The following ELOVL1 variants were observed in gnomAD, a reference collection of about 807,000 sequenced individuals.
ELOVL1 encodes the protein very long chain fatty acid elongase 1.
A neutral mutation model predicts 37.8 loss-of-function variants in ELOVL1; 10 were observed. The observed-to-expected ratio is 0.26, with a 90% CI of 0.16 to 0.45. The LOEUF is 0.45. Ranked by LOEUF, ELOVL1 falls within the 20% of genes least tolerant of loss-of-function variation. The probability of loss-of-function intolerance (pLI) is 1.00; values close to 1 mark genes in which losing one functional copy is unlikely to be tolerated. For missense variants in ELOVL1, 256 were observed against 352.7 expected (o/e 0.73, Z 2.20); for synonymous variants, 133 against 123.8 (o/e 1.07, Z -0.49).
At position 43,365,553 on chromosome 1, in the gene ELOVL1, T is replaced by C. The variant is rs1261381074; in HGVS notation, c.46+11A>G. 1.1e-5 allele frequency: 18 copies of C among 1,614,094 alleles called. 1 individual carries two copies. The East Asian group carries it at 3.8e-4, about 34-fold the overall frequency. On this transcript the variant is annotated intron_variant, in intron 2 of 7. Coordinates refer to ENST00000372458, the MANE Select transcript of ELOVL1 (RefSeq NM_022821.4). ...AAGAAGGAAGGAAAGGGCTGGTGGA[T>C]AGCGTCTTACCTGCGTGCTTCATCA...
In ELOVL1 at chr1:43,364,505, G is replaced by C; in HGVS notation, c.481+37C>G. Reference sequence around the variant, plus strand: ...CAGGGTCAGCAGAGTCCAGCCTCTGGTGCCCACCCTTTCCCATAGTGGCCT... The same window carrying C: ...CAGGGTCAGCAGAGTCCAGCCTCTGCTGCCCACCCTTTCCCATAGTGGCCT... On this transcript the variant is annotated intron_variant, in intron 6 of 7. Transcript: ENST00000372458. This position sits in a 1 kb window ranked among gnomAD's most constrained non-coding sequence, Gnocchi z 5.2. 6 of 1,614,006 alleles carry C rather than the reference G, an allele frequency of 3.7e-6. No individual in the cohort carries two copies.
In ELOVL1 at chr1:43,363,889, G is replaced by A; in HGVS notation, c.*27C>T. On this transcript the variant is annotated 3_prime_UTR_variant, in exon 8 of 8. Transcript: ENST00000372458. ...CTAAGGTGCAGTCCTGAGGCACTTA[G>A]GTGGGCGCCTATCTAGGCCATGCTT... The A allele has an allele frequency of 6.2e-7, 1 of 1,607,260 alleles. No homozygotes were observed. Among genetic ancestry groups the A allele is most frequent in the Non-Finnish European group, 8.5e-7 (1 of 1,175,638 alleles).
Position 43,365,741 on chromosome 1 carries a change from C to G in ELOVL1, c.-14-118G>C, listed in dbSNP as rs1647222794. On this transcript the variant is annotated intron_variant, in intron 1 of 7. Coordinates refer to ENST00000372458, the MANE Select transcript of ELOVL1 (RefSeq NM_022821.4). Reference sequence around the variant, plus strand: ...ATGCCTCATTGCAGAAAGGACAGAACAGTGAAAGGAAGGAATTACTGGGAA... The same window carrying G: ...ATGCCTCATTGCAGAAAGGACAGAAGAGTGAAAGGAAGGAATTACTGGGAA... 9.1e-6 allele frequency: 10 copies of G among 1,096,932 alleles called. No individual in the cohort carries two copies. In the South Asian group the frequency reaches 1.2e-4, roughly 13 times the overall value. 67.9% of individuals were successfully genotyped at this position (1,096,932 alleles called of 1,614,324 possible).
At chr1:43,365,659 C>A (rs1291846601) in intron 1 of ELOVL1, 36 bp from the exon 2 acceptor site, 4 of 1,594,812 alleles carry the variant, frequency 2.5e-6, no homozygotes, top group Non-Finnish European at 3.4e-6. Context: ...CAGACAGATC[C>A]CACTGCACAC....
Position 43,365,205 on chromosome 1 carries a change from G to A in ELOVL1, c.218C>T (p.Ser73Phe). The A allele has an allele frequency of 6.2e-7, 1 of 1,614,172 alleles. No homozygotes were observed. The highest frequency in any genetic ancestry group is 8.5e-7 in the Non-Finnish European group (1 of 1,180,026). ...IVYNFSLVALSLYIVYEFLMS... is the reference protein window; with the variant it reads ...IVYNFSLVALFLYIVYEFLMS... ...GCCCACCTCATAGACAATGTAGAGG[G>A]AGAGTGCCACCAGTGAGAAGTTGTA... Residue 73 changes from serine to phenylalanine, a missense_variant, in exon 3 of 8, where the codon TCC becomes TTC. Transcript: ENST00000372458.
Position 43,364,601 on chromosome 1 carries a change from T to C in ELOVL1, c.422A>G (p.His141Arg), listed in dbSNP as rs1171729390. 6.2e-7 allele frequency: 1 copy of C among 1,614,006 alleles called. No individual in the cohort carries two copies. The highest frequency in any genetic ancestry group is 1.7e-5 in the Admixed American group (1 of 60,016). ...RKKDGQVTFLHVFHHSVLPWS... is the reference protein window; with the variant it reads ...RKKDGQVTFLRVFHHSVLPWS... ...GGGAAGCACAGAGTGATGGAAGACA[T>C]GTAGGAAGGTCACCTGCCCGTCTTT... Residue 141 changes from histidine to arginine, a missense_variant, in exon 6 of 8, where the codon CAT becomes CGT. Around this residue, in one of 3 missense-constraint regions of ELOVL1, gnomAD observed 158 missense variants for 189.4 expected, o/e 0.83. Transcript: ENST00000372458. This position sits in a 1 kb window ranked among gnomAD's most constrained non-coding sequence, Gnocchi z 5.2.
chr1:43,365,758 T>G, intron 1 of ELOVL1, 135 bp from the exon 2 acceptor site: 31 of 895,244 alleles, frequency 3.5e-5, no homozygotes, highest in African/African-American at 5.0e-5. Context: ...AGGAAGGAAT[T>G]ACTGGGAACT....
rs1487104212 is a variant in ELOVL1, at chr1:43,364,691, C to T, written c.376-44G>A. ...AAGGGGATTCAGAACCTGGGCTTCT[C>T]CACCTCATTCTCCCCTCAAGTTCTC... On this transcript the variant is annotated intron_variant, in intron 5 of 7. Coordinates refer to ENST00000372458, the MANE Select transcript of ELOVL1 (RefSeq NM_022821.4). The surrounding 1 kb of genome is among the most constrained non-coding windows in gnomAD (Gnocchi z 5.2). 1.2e-6 allele frequency: 2 copies of T among 1,614,128 alleles called. No individual in the cohort carries two copies. The highest frequency in any genetic ancestry group is 1.7e-5 in the Admixed American group (1 of 60,024).
At position 43,364,450 on chromosome 1, in the gene ELOVL1, G is replaced by A. The variant is rs746856215; in HGVS notation, c.492C>T (p.Gly164=). The change falls in exon 7 of 8, where the codon GGC becomes GGT. Residue 164 remains glycine, a synonymous_variant. Coordinates refer to ENST00000372458, the MANE Select transcript of ELOVL1 (RefSeq NM_022821.4). This position sits in a 1 kb window ranked among gnomAD's most constrained non-coding sequence, Gnocchi z 5.2. ...AAGAGTTTATCATGGCATGGAAAGAGCCCATTCCTCCTGTGAGTGGACAAT... is the reference window on the plus strand; with the variant it reads ...AAGAGTTTATCATGGCATGGAAAGAACCCATTCCTCCTGTGAGTGGACAAT... The part of the protein sequence containing the change: ...WGVKIAPGGM[G]SFHAMINSSV... 11 of 1,614,002 alleles carry A rather than the reference G, an allele frequency of 6.8e-6. No individual in the cohort carries two copies. The Admixed American group carries it at 1.8e-4, about 27-fold the overall frequency.
In ELOVL1 at chr1:43,364,157, G is replaced by C. The variant is rs1647193738; in HGVS notation, c.619-20C>G. 6.2e-7 allele frequency: 1 copy of C among 1,613,624 alleles called. No homozygotes were observed. The highest frequency in any genetic ancestry group is 1.7e-5 in the Admixed American group (1 of 60,002). Reference sequence around the variant, plus strand: ...CTGGATCTAGGATAGAGAAAGACCAGGGTCAGAGGGAATAGTGAGAGGACT... The same window carrying C: ...CTGGATCTAGGATAGAGAAAGACCACGGTCAGAGGGAATAGTGAGAGGACT... On this transcript the variant is annotated intron_variant, in intron 7 of 7. Transcript: ENST00000372458. This position sits in a 1 kb window ranked among gnomAD's most constrained non-coding sequence, Gnocchi z 5.2.
chr1:43,365,121 C>A, intron 3 of ELOVL1, 65 bp downstream of exon 3: 3 of 1,605,518 alleles, frequency 1.9e-6, no homozygotes, highest in Non-Finnish European at 2.6e-6. Flanking sequence ...ATGCCATGCT[C>A]TGGCTCTATG....
intron 1 of ELOVL1, 39 bp from the exon 2 acceptor site, chr1:43,365,662 C>T: frequency 1.1e-5 from 17 of 1,591,064 alleles, no homozygotes; most frequent in Non-Finnish European, 1.5e-5. Flanking sequence ...ACAGATCCCA[C>T]TGCACACCCC....
Position 43,364,652 on chromosome 1 carries a change from G to A in ELOVL1, c.376-5C>T. 1 of 1,614,174 alleles carries A rather than the reference G, an allele frequency of 6.2e-7. No homozygotes were observed. ...CTTTCGGAGAATAAAGATCACCTGA[G>A]AGAAGAGTGAGGGAAGGGGATTCAG... is the stretch of plus-strand genomic sequence containing the variant. On this transcript the variant is annotated splice_region_variant and splice_polypyrimidine_tract_variant and intron_variant, in intron 5 of 7. Coordinates refer to ENST00000372458, the MANE Select transcript of ELOVL1 (RefSeq NM_022821.4). This position sits in a 1 kb window ranked among gnomAD's most constrained non-coding sequence, Gnocchi z 5.2.
Position 43,364,621 on chromosome 1 carries a change from GTCTT to G in ELOVL1, c.398_401del (p.Lys133ThrfsTer4). The G allele has an allele frequency of 6.2e-7, 1 of 1,614,190 alleles. No individual in the cohort carries two copies. The highest frequency in any genetic ancestry group is 8.5e-7 in the Non-Finnish European group (1 of 1,180,028). The stretch of plus-strand genomic sequence containing the variant: ...AGACATGTAGGAAGGTCACCTGCCC[GTCTT>G]TCTTTCGGAGAATAAAGATCACCTG... On this transcript the variant is annotated frameshift_variant, in exon 6 of 8. Coordinates refer to ENST00000372458, the MANE Select transcript of ELOVL1 (RefSeq NM_022821.4). LOFTEE classifies it high-confidence loss of function. The surrounding 1 kb of genome is among the most constrained non-coding windows in gnomAD (Gnocchi z 5.2).
Position 43,364,090 on chromosome 1 carries a change from C to T in ELOVL1, c.666G>A (p.Met222Ile), listed in dbSNP as rs141545551. 9.9e-6 allele frequency: 16 copies of T among 1,613,986 alleles called. No individual in the cohort carries two copies. The highest frequency in any genetic ancestry group is 1.2e-5 in the Non-Finnish European group (14 of 1,180,048). ...CTGGGTACTGGTAGTTACAGCTGGA[C>T]ATAAAGTAGTACTGGGAGATGTGCA... ...VSLHISQYYF[M>I]SSCNYQYPVI... is the part of the protein sequence containing the mutation. Residue 222 changes from methionine to isoleucine, a missense_variant, in exon 8 of 8, where the codon ATG becomes ATA. By Grantham distance (10) the Met-to-Ile change is conservative. Transcript: ENST00000372458. The surrounding 1 kb of genome is among the most constrained non-coding windows in gnomAD (Gnocchi z 5.2).
intron 1 of ELOVL1, chr1:43,367,600 G>A (rs1647278628): frequency 6.6e-6 from 1 of 151,754 alleles, no homozygotes; most frequent in Non-Finnish European, 1.5e-5. Context: ...CTTTAAGATG[G>A]ATGGAAGGGA....
At chr1:43,365,037 G>A (rs1390200313) in intron 3 of ELOVL1, 29 bp from the exon 4 acceptor site, 1 of 1,605,322 alleles carries the variant, frequency 6.2e-7, no homozygotes, top group Non-Finnish European at 8.5e-7. Flanking sequence ...TAGACCACCA[G>A]AGTTCTCCCT....
At chr1:43,366,118 CTT>C (rs1455417149) in intron 1 of ELOVL1, 1 of 188,332 alleles carries the variant, frequency 5.3e-6, no homozygotes, top group East Asian at 1.3e-4. Flanking sequence ...CCTGAACTCT[CTT>C]CTCCCCAGGG....
rs755350065 is a variant in ELOVL1, at chr1:43,364,048, G to A, written c.708C>T (p.Ile236=). 7.4e-6 allele frequency: 12 copies of A among 1,614,106 alleles called. No individual in the cohort carries two copies. The East Asian group carries it at 1.6e-4, about 21-fold the overall frequency. Residue 236 remains isoleucine (I), a synonymous_variant, in exon 8 of 8, where the codon ATC becomes ATT. Transcript: ENST00000372458. The surrounding 1 kb of genome is among the most constrained non-coding windows in gnomAD (Gnocchi z 5.2). ...TGAAGAAGATGGTGCCATACATCCA[G>A]ATGAGGTGAATAATGACTGGGTACT... ...NYQYPVIIHL[I]WMYGTIFFML...
Sources: allele counts gnomAD v4.1 joint callset, GRCh38; gene constraint gnomAD v4.1.1; regional missense constraint gnomAD v4.1.1; non-coding constraint Gnocchi (gnomAD v3.1); transcripts MANE v1.5; gene names NCBI Gene and HGNC (gene_info 2026-07-23, HGNC 2026-07-21).